The following CEP57L1 variants were observed in gnomAD, a reference collection of about 807,000 sequenced individuals.
CEP57L1 encodes centrosomal protein CEP57L1.
A neutral mutation model predicts 61.0 loss-of-function variants in CEP57L1; 37 were observed. The ratio of observed to expected loss-of-function variants is 0.61; its 90% CI spans 0.47 to 0.80. The LOEUF is 0.80. Ranked by LOEUF, CEP57L1 falls within the 30% of genes least tolerant of loss-of-function variation. The pLI, the probability that CEP57L1 is intolerant of heterozygous loss-of-function variation, is 0.00. For synonymous variants in CEP57L1, 137 were observed against 162.3 expected (o/e 0.84, Z 1.19); for missense variants, 422 against 524.7 (o/e 0.80, Z 1.91).
rs1241557340 is a variant in CEP57L1 at position 109,163,667 on chromosome 6, G to T, written c.*697G>T. Reference sequence around the variant, plus strand: ...TAACTTTTGCTGACTTTTATTCTTTGCATTGTATGTAATGTCCATCAGTAT... The same window carrying T: ...TAACTTTTGCTGACTTTTATTCTTTTCATTGTATGTAATGTCCATCAGTAT... On this transcript the variant is annotated 3_prime_UTR_variant, in exon 11 of 11. Coordinates refer to ENST00000517392, the MANE Select transcript of CEP57L1 (RefSeq NM_001271852.3). 6.6e-6 allele frequency: 1 copy of T among 151,458 alleles called. No homozygotes were observed. The allele number at this position is 151,458 out of a possible 1,614,324, so 9.4% of individuals were successfully genotyped here. A position where few individuals can be genotyped will look rare whatever the true frequency, so the allele number is the denominator to read the frequency against.
chr6:109,155,461 A>G (rs1156939573), intron 6 of CEP57L1, among the ~76,000 whole-genome samples, 154 bp downstream of exon 6: 1 of 151,980 alleles, frequency 6.6e-6, no homozygotes, highest in Non-Finnish European at 1.5e-5. Flanking sequence ...AGCCAGTATG[A>G]TACATGGATG....
intron 2 of CEP57L1, 127 bp downstream of exon 2, chr6:109,145,508 A>C: frequency 1.6e-6 from 1 of 643,136 alleles, no homozygotes; most frequent in Non-Finnish European, 2.5e-6. Context: ...TCTGTTGCTA[A>C]AAGTTTCTAT....
chr6:109,127,205 A>G lies in CEP57L1; in HGVS notation c.-3-18014A>G, dbSNP rs1389163291. Among the ~76,000 whole-genome samples, 5 of 152,102 alleles carry G rather than the reference A, an allele frequency of 3.3e-5. No homozygotes were observed. In the East Asian group the frequency reaches 9.6e-4, roughly 29 times the overall value. On this transcript the variant is annotated intron_variant, in intron 1 of 10. Coordinates refer to ENST00000517392, the MANE Select transcript of CEP57L1 (RefSeq NM_001271852.3). ...AAAAAAACCAAAAACTGGCTGTTCT[A>G]CTCATGTAATAATGTATTTCTTATA...
rs1771987532 is a variant in CEP57L1 at position 109,146,613 on chromosome 6, T to C, written c.161-145T>C. 7 of 547,328 alleles carry C rather than the reference T, an allele frequency of 1.3e-5. No homozygotes were observed. The East Asian group carries it at 2.0e-4, about 16-fold the overall frequency. The allele number at this position is 547,328 out of a possible 1,614,324, so 33.9% of individuals were successfully genotyped here. On this transcript the variant is annotated intron_variant, in intron 2 of 10. Coordinates refer to ENST00000517392, the MANE Select transcript of CEP57L1 (RefSeq NM_001271852.3). ...CGCCTCTTCAAAGTGTTAGTCATTATTTTTCATTTTTTGAAGAATATGCAT... is the reference window on the plus strand; with the variant it reads ...CGCCTCTTCAAAGTGTTAGTCATTACTTTTCATTTTTTGAAGAATATGCAT...
intron 1 of CEP57L1, among the ~76,000 whole-genome samples, chr6:109,117,416 GA>G (rs1194082702): frequency 6.6e-6 from 1 of 152,176 alleles, no homozygotes; most frequent in African/African-American, 2.4e-5. Context: ...TGATCATATT[GA>G]AGGAACCTGA....
chr6:109,149,283 A>G (rs559249179), intron 3 of CEP57L1, among the ~76,000 whole-genome samples: 1,645 of 152,316 alleles, frequency 0.011, 34 homozygotes, highest in African/African-American at 0.038. Context: ...ATCCGTCTTG[A>G]ATTAATTTTT....
intron 7 of CEP57L1, chr6:109,158,791 G>A (rs1226500011): frequency 7.1e-6 from 4 of 564,922 alleles, no homozygotes; most frequent in East Asian, 3.2e-5. Flanking sequence ...TGGCCATTCT[G>A]ATAGATGTGC....
At chr6:109,133,147 T>G (rs1203275322) in intron 1 of CEP57L1, among the ~76,000 whole-genome samples, 1 of 152,210 alleles carries the variant, frequency 6.6e-6, no homozygotes, top group Non-Finnish European at 1.5e-5. Context: ...AGTACCTTAC[T>G]TATGTTGTCT....
In CEP57L1 at chr6:109,171,979, C is replaced by T. The variant is rs948487945; in HGVS notation, c.*9009C>T. 1.1e-4 allele frequency among the ~76,000 whole-genome samples: 16 copies of T among 152,066 alleles called. No homozygotes were observed. The highest frequency in any genetic ancestry group is 3.9e-4 in the African/African-American group (16 of 41,400). On this transcript the variant is annotated 3_prime_UTR_variant, in exon 11 of 11. Coordinates refer to ENST00000517392, the MANE Select transcript of CEP57L1 (RefSeq NM_001271852.3). ...GTTTTATCTCGGGTGGTCCCCAAGA[C>T]CACCTTCAGGATCAGTGATTCACTG...
intron 2 of CEP57L1, 58 bp from the exon 3 acceptor site, chr6:109,146,700 T>C (rs990083107): frequency 8.8e-7 from 1 of 1,138,428 alleles, no homozygotes; most frequent in Non-Finnish European, 1.2e-6. Flanking sequence ...TATGTTACTT[T>C]GATTGTAAGT....
chr6:109,121,032 G>A (rs890014231), intron 1 of CEP57L1, among the ~76,000 whole-genome samples: 1 of 151,914 alleles, frequency 6.6e-6, no homozygotes, highest in Non-Finnish European at 1.5e-5. Flanking sequence ...GCTCTAGTGG[G>A]GTGTGGCAAG....
intron 1 of CEP57L1, among the ~76,000 whole-genome samples, chr6:109,113,356 C>T (rs1315914371): frequency 3.3e-5 from 5 of 152,048 alleles, no homozygotes; most frequent in East Asian, 3.9e-4. Context: ...TTCATTTACT[C>T]GTTTACCTCA....
At chr6:109,134,903 G>A (rs1562096645) in intron 1 of CEP57L1, among the ~76,000 whole-genome samples, 1 of 152,134 alleles carries the variant, frequency 6.6e-6, no homozygotes, top group African/African-American at 2.4e-5. Flanking sequence ...ACTGCTTAAC[G>A]GAATTAAAGA....
upstream of CEP57L1, chr6:109,095,184 G>C (rs1781531802): frequency 5.1e-6 from 5 of 985,576 alleles, no homozygotes; most frequent in Non-Finnish European, 6.0e-6. Flanking sequence ...GAGGCGCTAA[G>C]CTTGCGCCCT....
intron 1 of CEP57L1, among the ~76,000 whole-genome samples, chr6:109,121,571 T>C (rs1031173257): frequency 1.3e-5 from 2 of 152,166 alleles, no homozygotes; most frequent in African/African-American, 4.8e-5. Context: ...CAGACTAGGA[T>C]TGTAAATCAT....
rs544270629 is a variant in CEP57L1, at chr6:109,153,802, A to G, written c.463-31A>G. ...TCCATTGGCATTACTTGCCAAATTC[A>G]GGGTTGCTATTTTATTTTTATCCTT... is the stretch of plus-strand genomic sequence containing the variant. On this transcript the variant is annotated intron_variant, in intron 4 of 10. Transcript: ENST00000517392. 10 of 1,311,934 alleles carry G rather than the reference A, an allele frequency of 7.6e-6. No homozygotes were observed. The East Asian group carries it at 2.1e-4, about 27-fold the overall frequency. 81.3% of individuals were successfully genotyped at this position (1,311,934 alleles called of 1,614,324 possible).
Position 109,102,066 on chromosome 6 carries a change from A to T in CEP57L1, c.-4+6491A>T, listed in dbSNP as rs1291302842. Reference sequence around the variant, plus strand: ...AATAGGTATGTAATGGTATCTCATTATTGTTTTAATTGGTGATTCCCCAAT... The same window carrying T: ...AATAGGTATGTAATGGTATCTCATTTTTGTTTTAATTGGTGATTCCCCAAT... On this transcript the variant is annotated intron_variant, in intron 1 of 10. Transcript: ENST00000517392. 2.0e-5 allele frequency among the ~76,000 whole-genome samples: 3 copies of T among 152,098 alleles called. No homozygotes were observed. The East Asian group carries it at 5.8e-4, about 29-fold the overall frequency.
intron 10 of CEP57L1, 121 bp from the exon 11 acceptor site, chr6:109,162,628 T>C: frequency 6.0e-6 from 4 of 664,614 alleles, no homozygotes; most frequent in Non-Finnish European, 7.8e-6. Flanking sequence ...ACTTAATGAA[T>C]TGAATTTTTT....
chr6:109,103,584 A>G (rs532543190), intron 1 of CEP57L1, among the ~76,000 whole-genome samples: 1 of 152,272 alleles, frequency 6.6e-6, no homozygotes, highest in East Asian at 1.9e-4. Flanking sequence ...AAATGAGTAA[A>G]CCACTTAAAT....
Sources: allele counts gnomAD v4.1 joint callset (sites outside exome capture counted in the v4.1 genomes callset), GRCh38; gene constraint gnomAD v4.1.1; transcripts MANE v1.5; gene names NCBI Gene and HGNC (gene_info 2026-07-23, HGNC 2026-07-21).